Variants in KPNA6 observed in about 807,000 individuals in gnomAD.
KPNA6 encodes the protein importin subunit alpha-7.
KPNA6 carries 9 observed loss-of-function variants against 72.0 expected under a neutral mutation model. That is an observed-to-expected ratio of 0.13 (90% CI 0.08 to 0.22). KPNA6 has a LOEUF of 0.22. Among genes scored for constraint, KPNA6 ranks in the 10% least tolerant of loss-of-function variants. KPNA6 has a pLI of 1.00. For synonymous variants in KPNA6, 219 were observed against 242.1 expected, an observed-to-expected ratio of 0.90 and a Z score of 0.89; for missense variants, 374 against 655.7, an observed-to-expected ratio of 0.57 and a Z score of 4.69.
At chr1:32,118,050 G>A (rs982275755) in intron 1 of KPNA6, among the ~76,000 whole-genome samples, 1 of 152,040 alleles carries the variant, frequency 6.6e-6, no homozygotes, top group Non-Finnish European at 1.5e-5. Context: ...AGCCTCCTGA[G>A]TAACTGGGAT....
chr1:32,119,015 TATATATATA>T (rs1641380306), intron 1 of KPNA6, among the ~76,000 whole-genome samples: 18 of 73,540 alleles, frequency 2.4e-4, no homozygotes, highest in African/African-American at 9.7e-4. Context: ...TATATATATA[TATATATATA>T]TATATATATT....
In KPNA6 at chr1:32,117,474, A is replaced by AT. The variant is rs1460539814; in HGVS notation, c.4+9343dup. On this transcript the variant is annotated intron_variant, in intron 1 of 13. Transcript: ENST00000373625. ...GGCGTGAGCCACTGCGCCCGGCCCA[A>AT]TTTGTTTTTTTTTTTTTAAAAAAAA... is the stretch of plus-strand genomic sequence containing the variant. Among the ~76,000 whole-genome samples the AT allele has an allele frequency of 4.8e-5, 7 of 146,614 alleles. No homozygotes were observed. The South Asian group carries it at 1.1e-3, about 24-fold the overall frequency.
intron 1 of KPNA6, among the ~76,000 whole-genome samples, chr1:32,114,451 A>AAATATATATATATATATAT (rs982175711): frequency 6.9e-6 from 1 of 145,524 alleles, no homozygotes; most frequent in African/African-American, 2.5e-5. Context: ...CAAAAAAAAA[A>AAATATATATATATATATAT]ATATATATAT....
Position 32,133,861 on chromosome 1 carries a change from G to A in KPNA6, c.5-20727G>A, listed in dbSNP as rs548788998. On this transcript the variant is annotated intron_variant, in intron 1 of 13. Coordinates refer to ENST00000373625, the MANE Select transcript of KPNA6 (RefSeq NM_012316.5). ...TCGAGACCAGCCTGGCAAACGTGGT[G>A]AAACCCCGTCTCTACTAAAAATACA... Among the ~76,000 whole-genome samples the A allele has an allele frequency of 5.9e-5, 9 of 151,784 alleles. No individual in the cohort carries two copies. The East Asian group carries it at 1.8e-3, about 30-fold the overall frequency.
chr1:32,154,040 G>A (rs1314971106), intron 1 of KPNA6, among the ~76,000 whole-genome samples: 5 of 151,936 alleles, frequency 3.3e-5, no homozygotes, highest in African/African-American at 1.2e-4. Context: ...CCAGCTACTC[G>A]GAAGGCTGAG....
chr1:32,123,855 G>A (rs1209350048), intron 1 of KPNA6, among the ~76,000 whole-genome samples: 2 of 151,250 alleles, frequency 1.3e-5, no homozygotes, highest in Admixed American at 6.6e-5. Context: ...CCAACATGGT[G>A]AAACCCCATC....
At position 32,175,088 on chromosome 1, in the gene KPNA6, C is replaced by A. The variant is rs1403073657; in HGVS notation, c.*4194C>A. 4.6e-5 allele frequency: 7 copies of A among 152,238 alleles called. No individual in the cohort carries two copies. Among genetic ancestry groups the A allele is most frequent in the Non-Finnish European group, 1.0e-4 (7 of 68,056 alleles). The allele number at this position is 152,238 out of a possible 1,614,324, so 9.4% of individuals were successfully genotyped here. ...CATTATCTGTCCTCTAGCCCCACAC[C>A]CTGATTTAGACCGTGGCAAAGGAAG... On this transcript the variant is annotated 3_prime_UTR_variant, in exon 14 of 14. Coordinates refer to ENST00000373625, the MANE Select transcript of KPNA6 (RefSeq NM_012316.5).
intron 1 of KPNA6, among the ~76,000 whole-genome samples, chr1:32,124,627 C>T (rs1278496071): frequency 2.6e-5 from 4 of 151,850 alleles, no homozygotes; most frequent in East Asian, 3.9e-4. Context: ...CTGCCTCAAC[C>T]TCCTGAGTAG....
Position 32,160,712 on chromosome 1 carries a change from T to C in KPNA6, c.647+9T>C. On this transcript the variant is annotated intron_variant, in intron 7 of 13. Coordinates refer to ENST00000373625, the MANE Select transcript of KPNA6 (RefSeq NM_012316.5). ...CTTAATCCTTTGTTAACGTGAGTAA[T>C]TATAATCATCTGTACCTGGGCGTCT... is the stretch of plus-strand genomic sequence containing the variant. 6.2e-7 allele frequency: 1 copy of C among 1,608,156 alleles called. No individual in the cohort carries two copies. Among genetic ancestry groups the C allele is most frequent in the South Asian group, 1.1e-5 (1 of 90,970 alleles).
chr1:32,147,320 G>T (rs1367576022), intron 1 of KPNA6, among the ~76,000 whole-genome samples: 1 of 152,100 alleles, frequency 6.6e-6, no homozygotes, highest in African/African-American at 2.4e-5. Context: ...TTGAGACAGG[G>T]TTTCACTGTG....
intron 6 of KPNA6, 52 bp downstream of exon 6, chr1:32,159,583 A>AT (rs1436569419): frequency 6.3e-7 from 1 of 1,580,136 alleles, no homozygotes; most frequent in Non-Finnish European, 8.6e-7. Flanking sequence ...TATAATAAAA[A>AT]ATATATTTGG....
In KPNA6 at chr1:32,173,660, C is replaced by G. The variant is rs761436242; in HGVS notation, c.*2766C>G. ...CCTCTCCTTTGGCCATGTAATGAAG[C>G]AAAATATTATTTATTTAGCCCAGGC... On this transcript the variant is annotated 3_prime_UTR_variant, in exon 14 of 14. Coordinates refer to ENST00000373625, the MANE Select transcript of KPNA6 (RefSeq NM_012316.5). The G allele has an allele frequency of 6.6e-6, 1 of 152,190 alleles. No individual in the cohort carries two copies. The highest frequency in any genetic ancestry group is 1.5e-5 in the Non-Finnish European group (1 of 68,038). 9.4% of individuals were successfully genotyped at this position (152,190 alleles called of 1,614,324 possible).
At position 32,163,247 on chromosome 1, in the gene KPNA6, C is replaced by T. The variant is rs768146110; in HGVS notation, c.924C>T (p.Tyr308=). ...CCCTCCTCTGTAGGCACAATGATTA[C>T]AAAGTGGCTTCTCCTGCCCTGAGAG... ...RLVELLMHND[Y]KVASPALRAV... Residue 308 remains tyrosine (Y), a synonymous_variant, in exon 10 of 14, where the codon TAC becomes TAT. Transcript: ENST00000373625. 3.1e-6 allele frequency: 5 copies of T among 1,612,616 alleles called. No homozygotes were observed. Among genetic ancestry groups the T allele is most frequent in the South Asian group, 2.2e-5 (2 of 90,878 alleles).
At chr1:32,110,140 C>T (rs1390655945) in intron 1 of KPNA6, among the ~76,000 whole-genome samples, 1 of 148,680 alleles carries the variant, frequency 6.7e-6, no homozygotes, top group Admixed American at 6.8e-5. Context: ...TCTCGGCTCA[C>T]TGCAACCTCT....
At chr1:32,169,745 C>T in intron 12 of KPNA6, 137 bp from the exon 13 acceptor site, 5 of 703,306 alleles carry the variant, frequency 7.1e-6, no homozygotes, top group Middle Eastern at 4.2e-4. Context: ...CAGGTGTGAA[C>T]CACCGCGCTC....
chr1:32,124,448 G>A (rs1641495460), intron 1 of KPNA6, among the ~76,000 whole-genome samples: 1 of 151,662 alleles, frequency 6.6e-6, no homozygotes, highest in African/African-American at 2.4e-5. Flanking sequence ...GGCCAAGGCG[G>A]GAGGATTGCT....
intron 1 of KPNA6, among the ~76,000 whole-genome samples, 153 bp downstream of exon 1, chr1:32,108,287 C>T (rs975872502): frequency 2.0e-5 from 3 of 152,238 alleles, no homozygotes; most frequent in Non-Finnish European, 2.9e-5. Context: ...CCCCTCTTGC[C>T]AGTTTTGGGC....
chr1:32,151,183 G>T (rs1454948047), intron 1 of KPNA6, among the ~76,000 whole-genome samples: 1 of 152,042 alleles, frequency 6.6e-6, no homozygotes, highest in African/African-American at 2.4e-5. Flanking sequence ...AGGATGTAGG[G>T]CGTTTTATAG....
At chr1:32,151,505 T>C (rs1570047240) in intron 1 of KPNA6, among the ~76,000 whole-genome samples, 1 of 152,168 alleles carries the variant, frequency 6.6e-6, no homozygotes, top group Admixed American at 6.5e-5. Flanking sequence ...ATTTTTTTTT[T>C]CTGCCTATTT....
Sources: allele counts gnomAD v4.1 joint callset (sites outside exome capture counted in the v4.1 genomes callset), GRCh38; gene constraint gnomAD v4.1.1; transcripts MANE v1.5; gene names NCBI Gene and HGNC (gene_info 2026-07-23, HGNC 2026-07-21).